CNGA1: variants seen among roughly 807,000 people sequenced by gnomAD.
The protein encoded by CNGA1 is cyclic nucleotide gated channel subunit alpha 1, also known as cyclic nucleotide-gated channel alpha-1.
Under a neutral mutation model 69.7 loss-of-function variants are expected in CNGA1, and 53 were observed. The observed-to-expected ratio is 0.76, with a 90% confidence interval of 0.61 to 0.96. The LOEUF is 0.96. Ranked by LOEUF, CNGA1 falls within the 40% of genes least tolerant of loss-of-function variation. The pLI is 0.00. For missense variants in CNGA1, 739 were observed against 811.2 expected (o/e 0.91, Z 1.08); for synonymous variants, 249 against 283.5 (o/e 0.88, Z 1.22).
chr4:48,013,643 G>A (rs1009720569), intron 1 of CNGA1, among the ~76,000 whole-genome samples: 2 of 152,196 alleles, frequency 1.3e-5, no homozygotes, highest in African/African-American at 2.4e-5. Flanking sequence ...TAGAATGGGA[G>A]GCAGGTTGGC....
chr4:48,001,984 A>G (rs1489277679), intron 2 of CNGA1, among the ~76,000 whole-genome samples: 1 of 151,294 alleles, frequency 6.6e-6, no homozygotes, highest in Non-Finnish European at 1.5e-5. Flanking sequence ...AATATTTTGA[A>G]CTAAATGATA....
intron 2 of CNGA1, among the ~76,000 whole-genome samples, chr4:48,003,646 G>A (rs59936075): frequency 7.2e-4 from 110 of 152,022 alleles, no homozygotes; most frequent in African/African-American, 2.5e-3. Flanking sequence ...AACAACCCTC[G>A]CTCTATAATC....
chr4:47,993,264 T>C (rs1742350845), intron 2 of CNGA1, among the ~76,000 whole-genome samples: 1 of 152,116 alleles, frequency 6.6e-6, no homozygotes, highest in Non-Finnish European at 1.5e-5. Flanking sequence ...GTAGAATTGG[T>C]ACCAATTCTT....
chr4:47,962,215 G>A (rs1293711873), intron 3 of CNGA1, among the ~76,000 whole-genome samples: 1 of 151,866 alleles, frequency 6.6e-6, no homozygotes, highest in Non-Finnish European at 1.5e-5. Flanking sequence ...GTGGTGGTGT[G>A]TGCCTGTAAT....
At chr4:48,000,529 C>T (rs550862425) in intron 2 of CNGA1, among the ~76,000 whole-genome samples, 3 of 152,184 alleles carry the variant, frequency 2.0e-5, no homozygotes, top group Non-Finnish European at 4.4e-5. Context: ...GCCACCACCC[C>T]AGCTAATTTT....
chr4:47,948,390 G>T (rs1578073711), intron 6 of CNGA1, among the ~76,000 whole-genome samples: 1 of 152,182 alleles, frequency 6.6e-6, no homozygotes, highest in South Asian at 2.1e-4. Flanking sequence ...AATGATCATT[G>T]TATGGTTCTC....
intron 1 of CNGA1, chr4:48,012,924 C>A (rs1161798300): frequency 6.6e-6 from 1 of 151,906 alleles, no homozygotes; most frequent in African/African-American, 2.4e-5. Context: ...CTGCTCTCTA[C>A]CATTCAAGAA....
chr4:47,991,292 C>T lies in CNGA1; in HGVS notation c.-122-9792G>A, dbSNP rs185788388. Among the ~76,000 whole-genome samples, 8 of 152,280 alleles carry T rather than the reference C, an allele frequency of 5.3e-5. No individual in the cohort carries two copies. In the East Asian group the frequency reaches 1.5e-3, roughly 29 times the overall value. On this transcript the variant is annotated intron_variant, in intron 2 of 10. Coordinates refer to ENST00000514170, the MANE Select transcript of CNGA1 (RefSeq NM_001379270.1). ...TCCCACCAGCAGTGTAGAAATGTTC[C>T]CTCTTCACCGCATCCATGCAAACAT... is the stretch of plus-strand genomic sequence containing the variant.
chr4:47,941,009 A>C (rs1739040850), intron 9 of CNGA1, 140 bp from the exon 10 acceptor site: 1 of 618,668 alleles, frequency 1.6e-6, no homozygotes, highest in African/African-American at 1.9e-5. Flanking sequence ...TCCTTTAATT[A>C]ACCATGGCTC....
At chr4:48,015,105 GA>G (rs1181662990) in intron 1 of CNGA1, among the ~76,000 whole-genome samples, 5 of 152,172 alleles carry the variant, frequency 3.3e-5, no homozygotes, top group African/African-American at 1.2e-4. Context: ...GTGAACCCAG[GA>G]GGCGGAGCTT....
intron 2 of CNGA1, among the ~76,000 whole-genome samples, chr4:48,002,836 G>A (rs894427242): frequency 3.9e-5 from 6 of 152,096 alleles, no homozygotes; most frequent in African/African-American, 1.4e-4. Flanking sequence ...GTTTATGTCT[G>A]CACCTTAGCA....
chr4:47,955,473 G>A (rs1263299317), intron 3 of CNGA1, among the ~76,000 whole-genome samples: 2 of 152,060 alleles, frequency 1.3e-5, no homozygotes, highest in African/African-American at 2.4e-5. Context: ...GTGAGCCACC[G>A]CGCCTGGCCC....
At chr4:48,007,857 T>C (rs1443237287) in intron 2 of CNGA1, among the ~76,000 whole-genome samples, 2 of 152,134 alleles carry the variant, frequency 1.3e-5, no homozygotes, top group Admixed American at 1.3e-4. Flanking sequence ...TTAAGAATAT[T>C]GTTAGCATCA....
At position 47,952,829 on chromosome 4, in the gene CNGA1, A is replaced by T. The variant is rs904673154; in HGVS notation, c.-14-126T>A. The T allele has an allele frequency of 1.7e-5, 10 of 578,090 alleles. No homozygotes were observed. In the African/African-American group the frequency reaches 1.9e-4, roughly 11 times the overall value. The allele number at this position is 578,090 out of a possible 1,614,324, so 35.8% of individuals were successfully genotyped here. ...AATAAAGACATACCTGAGACTGGGT[A>T]ATTTATAAAGGAAAGAGGTTTAATG... is the stretch of plus-strand genomic sequence containing the variant. On this transcript the variant is annotated intron_variant, in intron 3 of 10. Transcript: ENST00000514170.
chr4:47,970,833 GAA>G (rs11292902), intron 3 of CNGA1: 3 of 452,212 alleles, frequency 6.6e-6, no homozygotes, highest in Admixed American at 2.4e-5. Context: ...TTTTTGGAAG[GAA>G]AAAAAAGGTA....
chr4:47,964,339 C>G (rs1578091546), intron 3 of CNGA1, among the ~76,000 whole-genome samples: 1 of 151,954 alleles, frequency 6.6e-6, no homozygotes. Context: ...CAGAACAAAC[C>G]GAGCCTGGGC....
At chr4:47,997,075 T>C (rs1578122609) in intron 2 of CNGA1, among the ~76,000 whole-genome samples, 2 of 152,110 alleles carry the variant, frequency 1.3e-5, no homozygotes, top group East Asian at 3.9e-4. Flanking sequence ...AAACAAAAAC[T>C]TAGGTAAATA....
At chr4:47,990,755 T>C (rs1053386681) in intron 2 of CNGA1, among the ~76,000 whole-genome samples, 4 of 152,184 alleles carry the variant, frequency 2.6e-5, no homozygotes, top group African/African-American at 9.7e-5. Context: ...GTACTCTTTT[T>C]CTTTATTTCT....
At chr4:47,952,530 A>G in intron 4 of CNGA1, 53 bp downstream of exon 4, 3 of 1,587,802 alleles carry the variant, frequency 1.9e-6, no homozygotes, top group Non-Finnish European at 2.6e-6. Context: ...ATCTAGTTAA[A>G]TTAAAGAACT....
Sources: gnomAD v4.1 joint callset for allele counts (sites outside exome capture counted in the v4.1 genomes callset) on GRCh38, gnomAD v4.1.1 for gene constraint, MANE v1.5 for transcripts, NCBI Gene and HGNC (gene_info 2026-07-23, HGNC 2026-07-21) for gene names.